Variants in KANSL1 observed in about 807,000 individuals in gnomAD.
KANSL1 encodes the protein MLL1/MLL complex subunit KANSL1.
In KANSL1, 22 loss-of-function variants were observed where a neutral mutation model predicts 103.6. That is an observed-to-expected ratio of 0.21 (90% CI 0.15 to 0.30). The LOEUF (loss-of-function observed/expected upper bound fraction) is 0.30, where lower values mean the gene tolerates loss of function less well. KANSL1 is among the 10% of genes least tolerant of loss of function. The pLI, the probability that KANSL1 is intolerant of heterozygous loss-of-function variation, is 1.00. For synonymous variants in KANSL1, 600 were observed against 527.6 expected (o/e 1.14, Z -1.88); for missense variants, 1,337 against 1,399.8 (o/e 0.96, Z 0.72).
intron 4 of KANSL1, among the ~76,000 whole-genome samples, chr17:46,069,088 T>C (rs1264963059): frequency 1.3e-5 from 2 of 152,028 alleles, no homozygotes; most frequent in East Asian, 3.9e-4. Flanking sequence ...ACCATGCTCA[T>C]GTAATTTTTG....
At chr17:46,116,657 C>T (rs1176597428) in intron 2 of KANSL1, among the ~76,000 whole-genome samples, 1 of 152,208 alleles carries the variant, frequency 6.6e-6, no homozygotes, top group Non-Finnish European at 1.5e-5. Context: ...TGTGACTCTT[C>T]TGTCCAGCCT....
At chr17:46,168,511 C>T (rs1388974743) in intron 2 of KANSL1, among the ~76,000 whole-genome samples, 7 of 152,192 alleles carry the variant, frequency 4.6e-5, no homozygotes, top group Non-Finnish European at 8.8e-5. Flanking sequence ...CCACGCCCAA[C>T]TAATTTTGTA....
Position 46,066,591 on chromosome 17 carries a change from G to T in KANSL1, c.1794C>A (p.Ser598Arg), listed in dbSNP as rs749811911. 3.7e-6 allele frequency: 6 copies of T among 1,614,106 alleles called. No homozygotes were observed. The highest frequency in any genetic ancestry group is 5.1e-6 in the Non-Finnish European group (6 of 1,180,006). The change falls in exon 6 of 15, where the codon AGC becomes AGA. Residue 598 changes from serine to arginine, a missense_variant. Physicochemically the swap from Ser to Arg is moderately radical, Grantham distance 110. Around this residue, in one of 2 missense-constraint regions of KANSL1, gnomAD observed 780 missense variants for 923.4 expected, o/e 0.84. Transcript: ENST00000432791. Reference sequence around the variant, plus strand: ...GTCGAACAAGCCTCCGCTTCTTACAGCTCAGTACAGGACGTGTCCGGGCTG... The same window carrying T: ...GTCGAACAAGCCTCCGCTTCTTACATCTCAGTACAGGACGTGTCCGGGCTG... ...CVAARTRPVL[S>R]CKKRRLVRPN...
chr17:46,187,826 AT>A (rs67116503), intron 1 of KANSL1, among the ~76,000 whole-genome samples: 21,947 of 152,142 alleles, frequency 0.14, 2,138 homozygotes, highest in Non-Finnish European at 0.22. Context: ...AAAATGTTTG[AT>A]TTTTTTCTTT....
chr17:46,056,818 C>T (rs892031316), intron 6 of KANSL1, among the ~76,000 whole-genome samples: 3 of 152,132 alleles, frequency 2.0e-5, no homozygotes, highest in Non-Finnish European at 2.9e-5. Context: ...ATTAGTATAC[C>T]GCATGATTTC....
upstream of KANSL1, chr17:46,193,709 A>C (rs1428885512): frequency 1.1e-5 from 3 of 269,116 alleles, no homozygotes; most frequent in Non-Finnish European, 7.8e-6. Flanking sequence ...GCACTGCGGC[A>C]GGGGGAAGCC....
chr17:46,123,198 G>A (rs150944436), intron 2 of KANSL1, among the ~76,000 whole-genome samples: 1,581 of 152,204 alleles, frequency 0.01, 25 homozygotes, highest in African/African-American at 0.034. Flanking sequence ...CCAACATGGC[G>A]AAACCCCCTC....
intron 1 of KANSL1, among the ~76,000 whole-genome samples, chr17:46,199,338 C>T (rs2047718844): frequency 1.3e-5 from 2 of 152,202 alleles, no homozygotes; most frequent in Admixed American, 1.3e-4. Flanking sequence ...CTACCTATTT[C>T]ACAGTGTCAC....
At chr17:46,034,330 G>T in intron 10 of KANSL1, 45 bp from the exon 11 acceptor site, 1 of 1,605,048 alleles carries the variant, frequency 6.2e-7, no homozygotes, top group Non-Finnish European at 8.5e-7. Flanking sequence ...CAATTTTACA[G>T]ACATCAAATC....
At position 46,173,308 on chromosome 17, in the gene KANSL1, T is replaced by A. The variant is rs2046373827; in HGVS notation, c.-89-1076A>T. ...TGCACTAATCAAGATTCCTATAACC[T>A]CTATGTTCCTCAAGCCCCCTGAAGC... On this transcript the variant is annotated intron_variant, in intron 1 of 14. Transcript: ENST00000432791. Among the ~76,000 whole-genome samples the A allele has an allele frequency of 2.0e-5, 3 of 152,318 alleles. No homozygotes were observed. In the South Asian group the frequency reaches 6.2e-4, roughly 32 times the overall value.
At chr17:46,104,884 C>G (rs562126531) in intron 2 of KANSL1, among the ~76,000 whole-genome samples, 1 of 151,972 alleles carries the variant, frequency 6.6e-6, no homozygotes, top group Admixed American at 6.6e-5. Context: ...GGTGCGATCT[C>G]GGCTCACTGC....
chr17:46,152,422 A>C (rs1205626980), intron 2 of KANSL1, among the ~76,000 whole-genome samples: 1 of 152,282 alleles, frequency 6.6e-6, no homozygotes, highest in Non-Finnish European at 1.5e-5. Flanking sequence ...TTGAAGACGA[A>C]TCAGCTATAT....
At chr17:46,081,070 A>C (rs973654376) in intron 4 of KANSL1, among the ~76,000 whole-genome samples, 2 of 152,170 alleles carry the variant, frequency 1.3e-5, no homozygotes, top group Non-Finnish European at 2.9e-5. Flanking sequence ...GAATCTGTAT[A>C]AACTGTCTCA....
intron 2 of KANSL1, among the ~76,000 whole-genome samples, chr17:46,112,451 G>T (rs573828991): frequency 1.3e-5 from 2 of 149,938 alleles, no homozygotes. Context: ...TTGGGAGGCT[G>T]AGGCGAGCGG....
intron 2 of KANSL1, among the ~76,000 whole-genome samples, chr17:46,168,948 A>G (rs1427675889): frequency 1.3e-5 from 2 of 152,242 alleles, no homozygotes; most frequent in Non-Finnish European, 2.9e-5. Context: ...AAAAATTCTC[A>G]GGTACTTTTA....
rs1270656850 is a variant in KANSL1, at chr17:46,216,588, G to T, written c.-90+7083C>A. Among the ~76,000 whole-genome samples, 16 of 124,688 alleles carry T rather than the reference G, an allele frequency of 1.3e-4. No individual in the cohort carries two copies. The East Asian group carries it at 3.8e-3, about 30-fold the overall frequency. 81.8% of individuals were successfully genotyped at this position (124,688 alleles called of 152,430 possible). A position where few individuals can be genotyped will look rare whatever the true frequency, so the allele number is the denominator to read the frequency against. On this transcript the variant is annotated intron_variant, in intron 1 of 14. Transcript: ENST00000572904. ...CACTCCAGCCTGGGCAAAAGAGCAA[G>T]ACTCCGTCTCAAAAAAAAAAAAAAA... is the stretch of plus-strand genomic sequence containing the variant.
chr17:46,087,292 T>TA (rs2079199473), intron 3 of KANSL1, among the ~76,000 whole-genome samples: 2 of 152,210 alleles, frequency 1.3e-5, no homozygotes, highest in African/African-American at 4.8e-5. Context: ...CAATCATCCA[T>TA]ACACTGTCCA....
chr17:46,047,795 T>C (rs28624582), intron 7 of KANSL1, among the ~76,000 whole-genome samples: 1 of 64,132 alleles, frequency 1.6e-5, no homozygotes, highest in Non-Finnish European at 3.3e-5. Flanking sequence ...ATCTAAAAAA[T>C]AAAAATTAAA....
intron 4 of KANSL1, among the ~76,000 whole-genome samples, chr17:46,070,725 C>T (rs1331944181): frequency 2.0e-5 from 3 of 151,814 alleles, no homozygotes; most frequent in African/African-American, 4.8e-5. Flanking sequence ...TAAATTATGG[C>T]AGTGATTTGA....
Sources: allele counts gnomAD v4.1 joint callset (sites outside exome capture counted in the v4.1 genomes callset), GRCh38; gene constraint gnomAD v4.1.1; regional missense constraint gnomAD v4.1.1; transcripts MANE v1.5; gene names NCBI Gene and HGNC (gene_info 2026-07-23, HGNC 2026-07-21).